Variants in RPAP2 observed in about 807,000 individuals in gnomAD.
RPAP2 encodes the protein RNA polymerase II associated protein 2.
Under a neutral mutation model 73.1 loss-of-function variants are expected in RPAP2, and 52 were observed. The ratio of observed to expected loss-of-function variants is 0.71; its 90% CI spans 0.57 to 0.90. The LOEUF is 0.90. RPAP2 is among the 40% of genes least tolerant of loss of function. RPAP2 has a pLI of 0.00. For missense variants in RPAP2, 598 were observed against 701.8 expected (o/e 0.85, Z 1.67); for synonymous variants, 225 against 242.1 (o/e 0.93, Z 0.65).
Position 92,401,273 on chromosome 1 carries a change from A to G in RPAP2, c.*14262A>G, listed in dbSNP as rs1474877302. 1 of 152,198 alleles carries G rather than the reference A, an allele frequency of 6.6e-6. No individual in the cohort carries two copies. Among genetic ancestry groups the G allele is most frequent in the Non-Finnish European group, 1.5e-5 (1 of 68,024 alleles). 9.4% of individuals were successfully genotyped at this position (152,198 alleles called of 1,614,324 possible). ...AAGATCAATTCAATAAAAGCAGCAAACACACATACTTTGCTTTCCTTGTGA... is the reference window on the plus strand; with the variant it reads ...AAGATCAATTCAATAAAAGCAGCAAGCACACATACTTTGCTTTCCTTGTGA... On this transcript the variant is annotated 3_prime_UTR_variant, in exon 13 of 13. Coordinates refer to ENST00000610020, the MANE Select transcript of RPAP2 (RefSeq NM_024813.3).
intron 11 of RPAP2, among the ~76,000 whole-genome samples, chr1:92,360,338 G>A (rs1654674392): frequency 6.6e-6 from 1 of 152,184 alleles, no homozygotes; most frequent in Admixed American, 6.5e-5. Context: ...AGAATGATAG[G>A]AGTGGAGACC....
Position 92,400,052 on chromosome 1 carries a change from A to G in RPAP2, c.*13041A>G, listed in dbSNP as rs573496364. The G allele has an allele frequency of 3.9e-5, 6 of 152,258 alleles. No individual in the cohort carries two copies. The highest frequency in any genetic ancestry group is 3.9e-4 in the Admixed American group (6 of 15,284). 9.4% of individuals were successfully genotyped at this position (152,258 alleles called of 1,614,324 possible). A position where few individuals can be genotyped will look rare whatever the true frequency, so the allele number is the denominator to read the frequency against. ...CCACAAGATCAGCCAGTTTTAGCAG[A>G]GCAGTTGCTAAAACCCAGGTCTCAA... On this transcript the variant is annotated 3_prime_UTR_variant, in exon 13 of 13. Transcript: ENST00000610020.
intron 5 of RPAP2, among the ~76,000 whole-genome samples, chr1:92,305,155 G>A (rs1651113772): frequency 2.6e-5 from 4 of 151,408 alleles, no homozygotes; most frequent in Non-Finnish European, 5.9e-5. Flanking sequence ...ACAATAGACC[G>A]GGCGCCCTGG....
At chr1:92,360,552 G>C (rs1446470918) in intron 11 of RPAP2, among the ~76,000 whole-genome samples, 3 of 152,154 alleles carry the variant, frequency 2.0e-5, no homozygotes, top group African/African-American at 7.2e-5. Context: ...CGTTAGACAG[G>C]CAAGGCTGGA....
intron 11 of RPAP2, among the ~76,000 whole-genome samples, chr1:92,349,487 T>C (rs1477059881): frequency 6.6e-6 from 1 of 152,202 alleles, no homozygotes; most frequent in East Asian, 1.9e-4. Flanking sequence ...AATCAACATT[T>C]TGACCAAAAC....
chr1:92,301,013 T>TG (rs1467547891), intron 2 of RPAP2, among the ~76,000 whole-genome samples: 2 of 152,184 alleles, frequency 1.3e-5, no homozygotes, highest in Non-Finnish European at 2.9e-5. Context: ...CTAATTTAGT[T>TG]GGAGGTGGGT....
At chr1:92,329,386 C>T (rs1652830184) in intron 8 of RPAP2, among the ~76,000 whole-genome samples, 1 of 152,006 alleles carries the variant, frequency 6.6e-6, no homozygotes, top group Non-Finnish European at 1.5e-5. Flanking sequence ...AAGCTGGCAA[C>T]CACAGGCCTC....
At chr1:92,305,374 A>C (rs1651136941) in intron 5 of RPAP2, among the ~76,000 whole-genome samples, 1 of 143,982 alleles carries the variant, frequency 6.9e-6, no homozygotes. Flanking sequence ...CGGAGCTTGC[A>C]GTGAGCCGAG....
chr1:92,380,695 T>A, intron 11 of RPAP2, 29 bp from the exon 12 acceptor site: 1 of 1,515,452 alleles, frequency 6.6e-7, no homozygotes, highest in Non-Finnish European at 8.8e-7. Context: ...ATTTCATGGA[T>A]ATGCATTTAG....
intron 6 of RPAP2, among the ~76,000 whole-genome samples, chr1:92,317,751 G>GC (rs1386578619): frequency 6.6e-6 from 1 of 152,050 alleles, no homozygotes; most frequent in Non-Finnish European, 1.5e-5. Flanking sequence ...CCTACCTTAT[G>GC]CTTTTTCCCT....
In RPAP2 at chr1:92,304,377, A is replaced by G. The variant is rs772145760; in HGVS notation, c.399+28A>G. ...GAGTTTAAAGGCTTTCATTGTGGCA[A>G]TTAATTTTTTTTCTTTACTAACCAC... On this transcript the variant is annotated intron_variant, in intron 5 of 12. Coordinates refer to ENST00000610020, the MANE Select transcript of RPAP2 (RefSeq NM_024813.3). 8.0e-6 allele frequency: 11 copies of G among 1,373,322 alleles called. No homozygotes were observed. In the African/African-American group the frequency reaches 1.2e-4, roughly 15 times the overall value. 85.1% of individuals were successfully genotyped at this position (1,373,322 alleles called of 1,614,324 possible). A position where few individuals can be genotyped will look rare whatever the true frequency, so the allele number is the denominator to read the frequency against.
chr1:92,340,410 C>G (rs1002125199), intron 10 of RPAP2, among the ~76,000 whole-genome samples: 3 of 152,130 alleles, frequency 2.0e-5, no homozygotes, highest in Non-Finnish European at 1.5e-5. Flanking sequence ...ATGACAGTAA[C>G]TATTGTTGAG....
intron 11 of RPAP2, among the ~76,000 whole-genome samples, chr1:92,347,093 CTG>C (rs1395214046): frequency 2.0e-5 from 3 of 152,176 alleles, no homozygotes; most frequent in Non-Finnish European, 4.4e-5. Flanking sequence ...GAGCCAGAAT[CTG>C]TGTCACCCAA....
chr1:92,329,880 A>G (rs765274666), intron 8 of RPAP2, among the ~76,000 whole-genome samples: 5 of 152,190 alleles, frequency 3.3e-5, no homozygotes, highest in African/African-American at 1.2e-4. Flanking sequence ...CATAAATCAC[A>G]TGGTACAAAT....
At chr1:92,315,712 C>T (rs901463324) in intron 6 of RPAP2, among the ~76,000 whole-genome samples, 6 of 152,142 alleles carry the variant, frequency 3.9e-5, no homozygotes, top group Non-Finnish European at 8.8e-5. Flanking sequence ...ATAAATTCTA[C>T]CTCCATACTT....
At chr1:92,358,197 A>G (rs895411402) in intron 11 of RPAP2, among the ~76,000 whole-genome samples, 4 of 152,206 alleles carry the variant, frequency 2.6e-5, no homozygotes, top group Admixed American at 6.5e-5. Flanking sequence ...ATTGTGGCCT[A>G]CATACCCCTG....
At chr1:92,305,326 G>A (rs1382317995) in intron 5 of RPAP2, among the ~76,000 whole-genome samples, 5 of 150,090 alleles carry the variant, frequency 3.3e-5, no homozygotes, top group East Asian at 4.0e-4. Context: ...CCAGCTACTC[G>A]GGAGGCTGAG....
chr1:92,358,015 C>T (rs575802778), intron 11 of RPAP2, among the ~76,000 whole-genome samples: 139 of 152,308 alleles, frequency 9.1e-4, no homozygotes, highest in African/African-American at 3.1e-3. Context: ...TAACCTCAAA[C>T]TCCTGGGTTC....
rs1219614187 is a variant in RPAP2 at position 92,323,750 on chromosome 1, G to A, written c.830G>A (p.Cys277Tyr). 2 of 1,614,146 alleles carry A rather than the reference G, an allele frequency of 1.2e-6. No homozygotes were observed. The highest frequency in any genetic ancestry group is 2.7e-5 in the African/African-American group (2 of 75,064). Residue 277 changes from cysteine to tyrosine, a missense_variant, in exon 8 of 13, where the codon TGC becomes TAC. Around this residue, in one of 3 missense-constraint regions of RPAP2, gnomAD observed 506 missense variants for 612.8 expected, o/e 0.83. Transcript: ENST00000610020. The part of the protein sequence containing the change: ...VVDVTEQLGD[C>Y]KLDSQEKDAT... The stretch of plus-strand genomic sequence containing the variant: ...GATGTCACTGAGCAGTTAGGCGATT[G>A]CAAATTAGATAGTCAGGAGAAAGAT...
Sources: allele counts gnomAD v4.1 joint callset (sites outside exome capture counted in the v4.1 genomes callset), GRCh38; gene constraint gnomAD v4.1.1; regional missense constraint gnomAD v4.1.1; transcripts MANE v1.5; gene names NCBI Gene and HGNC (gene_info 2026-07-23, HGNC 2026-07-21).